The following STAM2 variants were observed in gnomAD, a reference collection of about 807,000 sequenced individuals.
The protein encoded by STAM2 is signal transducing adaptor molecule 2, also known as signal transducing adapter molecule 2.
STAM2 carries 51 observed loss-of-function variants against 65.6 expected under a neutral mutation model. That is an observed-to-expected ratio of 0.78 (90% confidence interval 0.62 to 0.98). The LOEUF is 0.98. Ranked by LOEUF, STAM2 falls within the 50% of genes least tolerant of loss-of-function variation. The pLI is 0.00. For synonymous variants in STAM2, 198 were observed against 208.4 expected (o/e 0.95, Z 0.43); for missense variants, 584 against 617.8 (o/e 0.95, Z 0.58).
At chr2:152,123,978 C>T (rs762082287) in intron 12 of STAM2, 43 bp from the exon 13 acceptor site, 6 of 1,493,532 alleles carry the variant, frequency 4.0e-6, no homozygotes, top group Non-Finnish European at 5.6e-6. Flanking sequence ...ATCTCCCAAA[C>T]ATGTGCCTAA....
At position 152,132,152 on chromosome 2, in the gene STAM2, C is replaced by T; in HGVS notation, c.987G>A (p.Met329Ile). ...LLDLEDICQQ[M>I]GPMIDEKLEE... ...CAAGTTTTTCATCTATCATTGGACCCATCTGTTGGCAGATATCTGTAAATA... is the reference window on the plus strand; with the variant it reads ...CAAGTTTTTCATCTATCATTGGACCTATCTGTTGGCAGATATCTGTAAATA... Residue 329 changes from methionine (M) to isoleucine (I), a missense_variant, in exon 11 of 14, where the codon ATG (methionine) becomes ATA (isoleucine). Physicochemically the swap from Met to Ile is conservative, Grantham distance 10 (BLOSUM62 1). Coordinates refer to ENST00000263904, the MANE Select transcript of STAM2 (RefSeq NM_005843.6). 1 of 1,610,600 alleles carries T rather than the reference C, an allele frequency of 6.2e-7. No homozygotes were observed. Among genetic ancestry groups the T allele is most frequent in the South Asian group, 1.1e-5 (1 of 90,418 alleles).
In STAM2 at chr2:152,118,485, A is replaced by G. The variant is rs1394300551; in HGVS notation, c.*2089T>C. On this transcript the variant is annotated 3_prime_UTR_variant, in exon 14 of 14. Transcript: ENST00000263904. ...ATGTGTCATGTTTTATTATTCTAAA[A>G]CTACATTATTTATAATGGCTGATCC... 5 of 149,722 alleles carry G rather than the reference A, an allele frequency of 3.3e-5. No individual in the cohort carries two copies. Among genetic ancestry groups the G allele is most frequent in the African/African-American group, 9.8e-5 (4 of 40,874 alleles). 9.3% of individuals were successfully genotyped at this position (149,722 alleles called of 1,614,324 possible).
chr2:152,137,426 C>A (rs1689176194), intron 7 of STAM2, among the ~76,000 whole-genome samples: 1 of 151,884 alleles, frequency 6.6e-6, no homozygotes. Context: ...TGTAAACTGC[C>A]TTTTTTTTCG....
intron 1 of STAM2, among the ~76,000 whole-genome samples, chr2:152,168,791 T>G (rs990536604): frequency 3.9e-5 from 6 of 152,200 alleles, no homozygotes; most frequent in African/African-American, 1.4e-4. Flanking sequence ...ATGCCCAAAA[T>G]AGCTAAGACA....
intron 8 of STAM2, among the ~76,000 whole-genome samples, chr2:152,135,050 T>C (rs910959520): frequency 6.6e-6 from 1 of 152,186 alleles, no homozygotes; most frequent in African/African-American, 2.4e-5. Flanking sequence ...TAGGATCAAA[T>C]CAAGGTGAGG....
intron 1 of STAM2, among the ~76,000 whole-genome samples, chr2:152,156,818 G>T (rs1313646101): frequency 1.3e-5 from 2 of 152,026 alleles, no homozygotes; most frequent in Non-Finnish European, 2.9e-5. Flanking sequence ...TAAGAATGCT[G>T]CAAGAAAACT....
At position 152,160,841 on chromosome 2, in the gene STAM2, C is replaced by T. The variant is rs1466224768; in HGVS notation, c.41-10612G>A. Reference sequence around the variant, plus strand: ...GAAGGTGGTGGGGGGGTCAGCCCCCCACCCGGCCAGCCGCCCCGTCCGGGA... The same window carrying T: ...GAAGGTGGTGGGGGGGTCAGCCCCCTACCCGGCCAGCCGCCCCGTCCGGGA... On this transcript the variant is annotated intron_variant, in intron 1 of 13. Transcript: ENST00000263904. Among the ~76,000 whole-genome samples, 9 of 148,522 alleles carry T rather than the reference C, an allele frequency of 6.1e-5. 1 individual carries two copies. In the South Asian group the frequency reaches 1.3e-3, roughly 21 times the overall value.
chr2:152,133,370 A>G, intron 9 of STAM2, 32 bp downstream of exon 9: 1 of 1,555,752 alleles, frequency 6.4e-7, no homozygotes. Flanking sequence ...ATGTCTTGAT[A>G]GTTTAACTAT....
intron 13 of STAM2, 118 bp from the exon 14 acceptor site, chr2:152,120,920 T>C: frequency 1.4e-6 from 1 of 694,038 alleles, no homozygotes; most frequent in Non-Finnish European, 2.5e-6. Flanking sequence ...GTAGCTCTGC[T>C]GTTCTGATTA....
chr2:152,165,230 C>G (rs1477295091), intron 1 of STAM2, among the ~76,000 whole-genome samples: 1 of 151,840 alleles, frequency 6.6e-6, no homozygotes, highest in Non-Finnish European at 1.5e-5. Context: ...TCAAGACGAG[C>G]CTGGCTAACA....
chr2:152,159,453 A>C (rs542420881), intron 1 of STAM2, among the ~76,000 whole-genome samples: 3 of 152,284 alleles, frequency 2.0e-5, no homozygotes, highest in South Asian at 4.1e-4. Context: ...CTTTCTTTGG[A>C]CTAATTCATT....
intron 7 of STAM2, among the ~76,000 whole-genome samples, chr2:152,139,164 C>T (rs1241817688): frequency 1.3e-5 from 2 of 152,108 alleles, no homozygotes; most frequent in Admixed American, 6.5e-5. Context: ...TAATTTTACA[C>T]AAACCATTTA....
intron 8 of STAM2, among the ~76,000 whole-genome samples, chr2:152,134,062 A>G (rs955483852): frequency 6.6e-6 from 1 of 152,108 alleles, no homozygotes; most frequent in Non-Finnish European, 1.5e-5. Flanking sequence ...TTGAAAAAAA[A>G]CTTACAAATA....
chr2:152,126,220 G>A lies in STAM2; in HGVS notation c.1179+6C>T. 1 of 1,561,680 alleles carries A rather than the reference G, an allele frequency of 6.4e-7. No individual in the cohort carries two copies. The highest frequency in any genetic ancestry group is 8.6e-7 in the Non-Finnish European group (1 of 1,158,654). ...TTTAGAAAATGTTCTCAAAAAACAT[G>A]CTCACCTGCATTGGAACCCCAGATG... is the stretch of plus-strand genomic sequence containing the variant. On this transcript the variant is annotated splice_donor_region_variant and intron_variant, in intron 12 of 13. Coordinates refer to ENST00000263904, the MANE Select transcript of STAM2 (RefSeq NM_005843.6).
chr2:152,172,578 G>A (rs183558605), intron 1 of STAM2, among the ~76,000 whole-genome samples: 4 of 152,074 alleles, frequency 2.6e-5, no homozygotes, highest in African/African-American at 7.2e-5. Context: ...TCAGAGAAGG[G>A]GGGGAGGAGG....
In STAM2 at chr2:152,144,875, C is replaced by T. The variant is rs914410198; in HGVS notation, c.517+13G>A. 3.7e-6 allele frequency: 6 copies of T among 1,611,042 alleles called. No homozygotes were observed. Among genetic ancestry groups the T allele is most frequent in the Non-Finnish European group, 5.1e-6 (6 of 1,177,322 alleles). On this transcript the variant is annotated intron_variant, in intron 6 of 13. Transcript: ENST00000263904. ...TTTAAGCAACACTAAATTACATGTG[C>T]TTGATCATTTACCTTTAGCTATGTC...
At chr2:152,122,823 T>C (rs1445743408) in intron 13 of STAM2, among the ~76,000 whole-genome samples, 1 of 152,054 alleles carries the variant, frequency 6.6e-6, no homozygotes, top group Non-Finnish European at 1.5e-5. Context: ...CCTAGCACTT[T>C]GAGCAGCCAC....
intron 5 of STAM2, among the ~76,000 whole-genome samples, chr2:152,146,540 T>C (rs1689340514): frequency 6.6e-6 from 1 of 152,200 alleles, no homozygotes. Flanking sequence ...TAGTCTTACA[T>C]TTCCATCCAT....
chr2:152,129,729 C>T (rs1347108799), intron 11 of STAM2, among the ~76,000 whole-genome samples: 1 of 152,198 alleles, frequency 6.6e-6, no homozygotes, highest in Admixed American at 6.6e-5. Context: ...CATACAGCCA[C>T]ATCTATCATA....
Sources: gnomAD v4.1 joint callset for allele counts (sites outside exome capture counted in the v4.1 genomes callset) on GRCh38, gnomAD v4.1.1 for gene constraint, MANE v1.5 for transcripts, NCBI Gene and HGNC (gene_info 2026-07-23, HGNC 2026-07-21) for gene names.